KCNN3: variants seen among roughly 807,000 people sequenced by gnomAD.
KCNN3 encodes the protein potassium calcium-activated channel subfamily N member 3.
Under a neutral mutation model 62.9 loss-of-function variants are expected in KCNN3, and 16 were observed. The ratio of observed to expected loss-of-function variants is 0.25; its 90% CI spans 0.17 to 0.39. KCNN3 has a LOEUF of 0.39. Ranked by LOEUF, KCNN3 falls within the 10% of genes least tolerant of loss-of-function variation. The pLI, the probability that KCNN3 is intolerant of heterozygous loss-of-function variation, is 1.00. For missense variants in KCNN3, 599 were observed against 949.4 expected (o/e 0.63, Z 4.85); for synonymous variants, 370 against 389.2 (o/e 0.95, Z 0.58).
At chr1:154,779,026 T>C (rs758618547) in intron 2 of KCNN3, among the ~76,000 whole-genome samples, 12 of 152,230 alleles carry the variant, frequency 7.9e-5, no homozygotes, top group Non-Finnish European at 1.8e-4. Flanking sequence ...AGGCTCACTA[T>C]AGACACATGG....
At chr1:154,807,744 G>A (rs193236357) in intron 2 of KCNN3, among the ~76,000 whole-genome samples, 220 of 152,266 alleles carry the variant, frequency 1.4e-3, no homozygotes, top group South Asian at 2.3e-3. Flanking sequence ...AAAAAGATCC[G>A]ACAGAGCAAG....
At chr1:154,795,205 G>A (rs905014514) in intron 2 of KCNN3, among the ~76,000 whole-genome samples, 2 of 152,182 alleles carry the variant, frequency 1.3e-5, no homozygotes, top group African/African-American at 4.8e-5. Flanking sequence ...TTGTGCAGCC[G>A]CTGGCTAACC....
intron 2 of KCNN3, among the ~76,000 whole-genome samples, chr1:154,786,974 C>A (rs1422083438): frequency 6.6e-6 from 1 of 151,642 alleles, no homozygotes; most frequent in Non-Finnish European, 1.5e-5. Flanking sequence ...AGCTTCAAAT[C>A]CCCTGGGAGC....
intron 1 of KCNN3, among the ~76,000 whole-genome samples, chr1:154,841,154 C>T (rs1456792593): frequency 2.0e-5 from 3 of 152,164 alleles, no homozygotes; most frequent in Non-Finnish European, 2.9e-5. Flanking sequence ...CTGACAGCCC[C>T]CTTAGGTCAG....
At chr1:154,867,992 C>T (rs1210808630) in intron 1 of KCNN3, 3 of 985,218 alleles carry the variant, frequency 3.0e-6, no homozygotes, top group Non-Finnish European at 2.4e-6. Context: ...CCCCCTCCTC[C>T]GTCTTGGGGC....
rs544118243 is a variant in KCNN3, at chr1:154,838,418, G to A, written c.934-16234C>T. ...CCTTCTGCGGCTCCCCACAGCCTCT[G>A]GGATGAAGGCAGACCCCCTAAGCAA... is the stretch of plus-strand genomic sequence containing the variant. On this transcript the variant is annotated intron_variant, in intron 1 of 7. Transcript: ENST00000271915. 2.0e-5 allele frequency among the ~76,000 whole-genome samples: 3 copies of A among 152,100 alleles called. No individual in the cohort carries two copies. In the South Asian group the frequency reaches 6.2e-4, roughly 32 times the overall value.
intron 2 of KCNN3, among the ~76,000 whole-genome samples, chr1:154,776,006 G>A (rs1648775606): frequency 8.6e-6 from 1 of 116,810 alleles, no homozygotes; most frequent in South Asian, 2.5e-4. Context: ...TGAGGAGTGG[G>A]ATTGTAAGTA....
intron 2 of KCNN3, among the ~76,000 whole-genome samples, chr1:154,783,934 G>A (rs116128505): frequency 1.8e-3 from 276 of 152,290 alleles, no homozygotes; most frequent in African/African-American, 6.2e-3. Flanking sequence ...TGGGTCCCTC[G>A]AGGAGCAACA....
intron 3 of KCNN3, among the ~76,000 whole-genome samples, chr1:154,745,110 T>G (rs1252919390): frequency 6.6e-6 from 1 of 152,150 alleles, no homozygotes; most frequent in Non-Finnish European, 1.5e-5. Context: ...TGTCCTATTT[T>G]TCAAGAGTTG....
chr1:154,796,142 C>T (rs1043128238), intron 2 of KCNN3, among the ~76,000 whole-genome samples: 4 of 152,070 alleles, frequency 2.6e-5, no homozygotes, highest in Admixed American at 1.3e-4. Context: ...GTGGAGGTGG[C>T]GAATACTGCA....
Sources: allele counts gnomAD v4.1 joint callset (sites outside exome capture counted in the v4.1 genomes callset), GRCh38; gene constraint gnomAD v4.1.1; transcripts MANE v1.5; gene names NCBI Gene and HGNC (gene_info 2026-07-23, HGNC 2026-07-21).